Variants in SLIT3 observed in about 807,000 individuals in gnomAD.
The protein encoded by SLIT3 is slit homolog 3 protein.
SLIT3 carries 68 observed loss-of-function variants against 184.0 expected under a neutral mutation model. The observed-to-expected ratio is 0.37, with a 90% CI of 0.30 to 0.45. The LOEUF is 0.45. Ranked by LOEUF, SLIT3 falls within the 20% of genes least tolerant of loss-of-function variation. The pLI is 1.00. For missense variants in SLIT3, 1,707 were observed against 2,026.0 expected (o/e 0.84, Z 3.02); for synonymous variants, 831 against 828.6 (o/e 1.00, Z -0.05).
At chr5:168,814,133 T>C (rs1757253051) in intron 8 of SLIT3, among the ~76,000 whole-genome samples, 1 of 152,142 alleles carries the variant, frequency 6.6e-6, no homozygotes, top group South Asian at 2.1e-4. Flanking sequence ...CGGTGGCTCA[T>C]GCCTAGAATC....
At chr5:168,719,072 C>T (rs1762853532) in intron 23 of SLIT3, among the ~76,000 whole-genome samples, 1 of 152,106 alleles carries the variant, frequency 6.6e-6, no homozygotes, top group Non-Finnish European at 1.5e-5. Flanking sequence ...TCTTTTGAAA[C>T]AAGGTCTTGC....
intron 4 of SLIT3, among the ~76,000 whole-genome samples, chr5:168,922,395 T>G (rs1761665077): frequency 6.9e-6 from 1 of 144,290 alleles, no homozygotes; most frequent in South Asian, 2.2e-4. Context: ...AGGCGGAGCT[T>G]GCAGTGAGCC....
At chr5:168,773,082 G>A in intron 13 of SLIT3, 138 bp from the exon 14 acceptor site, 1 of 852,634 alleles carries the variant, frequency 1.2e-6, no homozygotes, top group South Asian at 1.8e-5. Flanking sequence ...AAGCCTTAGG[G>A]GGTGCTACTT....
intron 4 of SLIT3, among the ~76,000 whole-genome samples, chr5:168,974,513 T>C (rs896687509): frequency 3.3e-5 from 5 of 152,230 alleles, no homozygotes; most frequent in Non-Finnish European, 5.9e-5. Context: ...TACATTTGAC[T>C]GCACAGATTT....
intron 4 of SLIT3, among the ~76,000 whole-genome samples, chr5:169,092,643 A>G (rs965558634): frequency 3.9e-5 from 6 of 152,212 alleles, no homozygotes; most frequent in Middle Eastern, 3.2e-3. Context: ...GTCAGCACGC[A>G]TAATTCTTGC....
At chr5:168,948,855 T>C (rs1762565371) in intron 4 of SLIT3, among the ~76,000 whole-genome samples, 1 of 152,184 alleles carries the variant, frequency 6.6e-6, no homozygotes, top group Non-Finnish European at 1.5e-5. Context: ...TGGAAATCAT[T>C]GGTGGGGACT....
chr5:169,129,128 C>T (rs1581438118), intron 4 of SLIT3, among the ~76,000 whole-genome samples: 1 of 152,100 alleles, frequency 6.6e-6, no homozygotes, highest in Admixed American at 6.5e-5. Flanking sequence ...GCACCTGGCC[C>T]GAAAGGCCAT....
chr5:168,997,137 C>T lies in SLIT3; in HGVS notation c.414-113801G>A, dbSNP rs548744435. Among the ~76,000 whole-genome samples the T allele has an allele frequency of 1.3e-3, 202 of 152,222 alleles. 1 individual carries two copies. The highest frequency in any genetic ancestry group is 1.9e-3 in the Non-Finnish European group (132 of 68,018). On this transcript the variant is annotated intron_variant, in intron 4 of 35. Coordinates refer to ENST00000519560, the MANE Select transcript of SLIT3 (RefSeq NM_003062.4). ...TGCACTAGGGGACTGTGACGCATCG[C>T]GTGCCCCTTCTCTAAGAGCGACACC... is the stretch of plus-strand genomic sequence containing the variant.
chr5:168,708,468 C>T (rs1169144719), intron 25 of SLIT3: 6 of 292,058 alleles, frequency 2.1e-5, no homozygotes, highest in African/African-American at 2.2e-5. Context: ...ATTCGGACCT[C>T]CCATTTTTCT....
chr5:169,050,554 T>C (rs1757779524), intron 4 of SLIT3, among the ~76,000 whole-genome samples: 1 of 152,208 alleles, frequency 6.6e-6, no homozygotes, highest in Admixed American at 6.5e-5. Context: ...AGCTAGGTTA[T>C]TGGAATGTGG....
rs1437619017 is a variant in SLIT3 at position 168,724,355 on chromosome 5, A to T, written c.2339+61T>A. ...TCTGTTCTCTCTTACCATCCACTTC[A>T]GTTTCCTGAGCGACCCCAGCAGGGA... On this transcript the variant is annotated intron_variant, in intron 21 of 35. Transcript: ENST00000519560. 2.2e-6 allele frequency: 3 copies of T among 1,382,460 alleles called. No homozygotes were observed. In the Admixed American group the frequency reaches 5.5e-5, roughly 25 times the overall value. 85.6% of individuals were successfully genotyped at this position (1,382,460 alleles called of 1,614,324 possible).
In SLIT3 at chr5:168,681,451, G is replaced by A. The variant is rs370651347; in HGVS notation, c.3686+2515C>T. ...ATCATTTTAATCTGGAATTGCTAGAGCCTTGGGCCCCTGAGGATTGGAAAC... is the reference window on the plus strand; with the variant it reads ...ATCATTTTAATCTGGAATTGCTAGAACCTTGGGCCCCTGAGGATTGGAAAC... On this transcript the variant is annotated intron_variant, in intron 32 of 35. Transcript: ENST00000519560. 2.0e-5 allele frequency among the ~76,000 whole-genome samples: 3 copies of A among 152,330 alleles called. No homozygotes were observed. The East Asian group carries it at 5.8e-4, about 29-fold the overall frequency.
Position 168,817,393 on chromosome 5 carries a change from G to A in SLIT3, c.700C>T (p.Arg234Trp), listed in dbSNP as rs755004583. 3.6e-5 allele frequency: 58 copies of A among 1,614,052 alleles called. No individual in the cohort carries two copies. The highest frequency in any genetic ancestry group is 6.7e-5 in the African/African-American group (5 of 74,912). ...CAGAGTGTGAACTGGCCAACTGTCC[G>A]TCGCTGTCGCAGCCAATCCGAGAGC... ...AWLSDWLRQRRTVGQFTLCMA... is the reference protein window; with the variant it reads ...AWLSDWLRQRWTVGQFTLCMA... The change falls in exon 8 of 36, where the codon CGG becomes TGG. Residue 234 changes from arginine to tryptophan, a missense_variant. Physicochemically the swap from Arg to Trp is moderately radical, Grantham distance 101. Transcript: ENST00000519560.
intron 4 of SLIT3, among the ~76,000 whole-genome samples, chr5:169,163,969 G>C (rs549528721): frequency 6.6e-6 from 1 of 152,326 alleles, no homozygotes; most frequent in South Asian, 2.1e-4. Context: ...GCAGAGGGCA[G>C]AGTGCAAAGG....
intron 4 of SLIT3, among the ~76,000 whole-genome samples, chr5:169,005,313 G>A (rs1755877454): frequency 6.6e-6 from 1 of 152,184 alleles, no homozygotes; most frequent in Non-Finnish European, 1.5e-5. Context: ...ACAGTAGCCT[G>A]AGCTGACTAC....
chr5:168,945,684 C>A (rs1316286718), intron 4 of SLIT3, among the ~76,000 whole-genome samples: 1 of 152,220 alleles, frequency 6.6e-6, no homozygotes, highest in Non-Finnish European at 1.5e-5. Context: ...TATATCAACA[C>A]TGAGAGAGAG....
At chr5:168,806,275 C>T (rs1756953847) in intron 9 of SLIT3, among the ~76,000 whole-genome samples, 171 bp downstream of exon 9, 1 of 152,312 alleles carries the variant, frequency 6.6e-6, no homozygotes, top group African/African-American at 2.4e-5. Flanking sequence ...CTCTTGACCA[C>T]CAAGCTATCA....
At position 168,842,720 on chromosome 5, in the gene SLIT3, C is replaced by T. The variant is rs537740296; in HGVS notation, c.557+1864G>A. 1.2e-3 allele frequency among the ~76,000 whole-genome samples: 187 copies of T among 152,312 alleles called. 1 individual carries two copies. Among genetic ancestry groups the T allele is most frequent in the African/African-American group, 4.3e-3 (177 of 41,564 alleles). ...CTGGCTGTAAAGCCCTCTCTTCTCCCTCAGACTGCCTTCCTGGTGAGGTAA... is the reference window on the plus strand; with the variant it reads ...CTGGCTGTAAAGCCCTCTCTTCTCCTTCAGACTGCCTTCCTGGTGAGGTAA... On this transcript the variant is annotated intron_variant, in intron 6 of 35. Transcript: ENST00000519560.
chr5:168,725,339 G>A (rs1378050677), intron 20 of SLIT3, among the ~76,000 whole-genome samples: 1 of 152,218 alleles, frequency 6.6e-6, no homozygotes, highest in East Asian at 1.9e-4. Flanking sequence ...AATTACAAAG[G>A]TTATTCCTAC....
Sources: allele counts gnomAD v4.1 joint callset (sites outside exome capture counted in the v4.1 genomes callset), GRCh38; gene constraint gnomAD v4.1.1; transcripts MANE v1.5; gene names NCBI Gene and HGNC (gene_info 2026-07-23, HGNC 2026-07-21).